ZDBF2: variants seen among roughly 807,000 people sequenced by gnomAD.
The protein encoded by ZDBF2 is zinc finger DBF-type containing 2, also known as DBF4-type zinc finger-containing protein 2.
A neutral mutation model predicts 9.4 loss-of-function variants in ZDBF2; 6 were observed. The observed-to-expected ratio is 0.64, with a 90% CI of 0.35 to 1.27. The LOEUF is 1.27. Ranked by LOEUF, ZDBF2 falls within the 50% of genes most tolerant of loss-of-function variation. The probability of loss-of-function intolerance (pLI) is 0.03; values close to 1 mark genes in which losing one functional copy is unlikely to be tolerated. For missense variants in ZDBF2, 2,697 were observed against 2,766.8 expected, an observed-to-expected ratio of 0.97 and a Z score of 0.57; for synonymous variants, 905 against 946.3, an observed-to-expected ratio of 0.96 and a Z score of 0.80.
chr2:206,308,413 C>T lies in ZDBF2; in HGVS notation c.3885C>T (p.Ser1295=), dbSNP rs746088933. 2.9e-5 allele frequency: 47 copies of T among 1,613,028 alleles called. No homozygotes were observed. The highest frequency in any genetic ancestry group is 3.3e-5 in the South Asian group (3 of 90,964). ...TTGATTCTCATGAACCCCTTCAGTCCGTAACTAATAAAATTCCAGGGGCGA... is the reference window on the plus strand; with the variant it reads ...TTGATTCTCATGAACCCCTTCAGTCTGTAACTAATAAAATTCCAGGGGCGA... ...INFDSHEPLQ[S]VTNKIPGANK... is the part of the protein sequence containing the mutation. Residue 1295 remains serine, a synonymous_variant, in exon 5 of 5, where the codon TCC becomes TCT. Coordinates refer to ENST00000374423, the MANE Select transcript of ZDBF2 (RefSeq NM_020923.3).
At position 206,310,515 on chromosome 2, in the gene ZDBF2, G is replaced by C; in HGVS notation, c.5987G>C (p.Cys1996Ser). Residue 1996 changes from cysteine (C) to serine (S), a missense_variant, in exon 5 of 5, where the codon TGT (cysteine) becomes TCT (serine). By Grantham distance (112) the Cys-to-Ser change is moderately radical (BLOSUM62 -1). This residue lies in a region of ZDBF2 where 1,783 missense variants were observed against 1,776.5 expected (regional missense o/e 1.00). Transcript: ENST00000374423. ...KIGTVEFPAS[C>S]TKVLKPMQPK... ...GGGACAGTTGAATTTCCTGCATCAT[G>C]TACTAAAGTTTTGAAGCCTATGCAA... 1 of 1,613,276 alleles carries C rather than the reference G, an allele frequency of 6.2e-7. No homozygotes were observed. The highest frequency in any genetic ancestry group is 8.5e-7 in the Non-Finnish European group (1 of 1,179,746).
rs1271977635 is a variant in ZDBF2, at chr2:206,305,223, A to T, written c.695A>T (p.Asp232Val). ...GTTGAGAAATATCTTGAACAGCCAG[A>T]TGGGGCCTCTAGAAATCCTGTGCCA... ...NKVEKYLEQP[D>V]GASRNPVPSS... The change falls in exon 5 of 5, where the codon GAT becomes GTT. Residue 232 changes from aspartate (D) to valine (V), a missense_variant. Around this residue, in one of 3 missense-constraint regions of ZDBF2, gnomAD observed 910 missense variants for 973.6 expected, o/e 0.93. Coordinates refer to ENST00000374423, the MANE Select transcript of ZDBF2 (RefSeq NM_020923.3). The T allele has an allele frequency of 1.2e-5, 19 of 1,613,726 alleles. No individual in the cohort carries two copies. The highest frequency in any genetic ancestry group is 1.4e-5 in the Non-Finnish European group (16 of 1,179,836).
rs759326102 is a variant in ZDBF2, at chr2:206,305,694, A to G, written c.1166A>G (p.Lys389Arg). The change falls in exon 5 of 5, where the codon AAG becomes AGG. Residue 389 changes from lysine (K) to arginine (R), a missense_variant. Lys to Arg is a conservative substitution (Grantham distance 26, BLOSUM62 2). This residue lies in a region of ZDBF2 where 910 missense variants were observed against 973.6 expected (regional missense o/e 0.93). Coordinates refer to ENST00000374423, the MANE Select transcript of ZDBF2 (RefSeq NM_020923.3). ...ACTGCACAAGACTTAAGTCTTTGGA[A>G]GGAGGAGCAAATTGACCAAGAAGAT... ...QETAQDLSLW[K>R]EEQIDQEDNY... The G allele has an allele frequency of 3.1e-5, 50 of 1,613,652 alleles. No individual in the cohort carries two copies. In the Admixed American group the frequency reaches 8.3e-4, roughly 27 times the overall value.
In ZDBF2 at chr2:206,311,783, C is replaced by A; in HGVS notation, c.*190C>A. The A allele has an allele frequency of 2.0e-6, 1 of 488,660 alleles. No individual in the cohort carries two copies. Among genetic ancestry groups the A allele is most frequent in the Non-Finnish European group, 3.2e-6 (1 of 316,580 alleles). 30.3% of individuals were successfully genotyped at this position (488,660 alleles called of 1,614,324 possible). On this transcript the variant is annotated 3_prime_UTR_variant, in exon 5 of 5. Transcript: ENST00000374423. ...TTTAGAGTCCTTTCATTTTAAGATTCAGAAACAGCCTTTGTCCAACATTTT... is the reference window on the plus strand; with the variant it reads ...TTTAGAGTCCTTTCATTTTAAGATTAAGAAACAGCCTTTGTCCAACATTTT...
At chr2:206,299,751 C>T (rs1045063385) in intron 4 of ZDBF2, among the ~76,000 whole-genome samples, 2 of 152,010 alleles carry the variant, frequency 1.3e-5, no homozygotes, top group Admixed American at 6.5e-5. Flanking sequence ...CTCCCCCCCG[C>T]CCGTGAATAG....
intron 3 of ZDBF2, among the ~76,000 whole-genome samples, chr2:206,289,190 G>A (rs1231722484): frequency 1.3e-5 from 2 of 152,106 alleles, no homozygotes; most frequent in African/African-American, 2.4e-5. Context: ...TCCCCAGGGG[G>A]CAATGTGCTG....
chr2:206,300,443 T>C (rs1202052433), intron 4 of ZDBF2, among the ~76,000 whole-genome samples: 2 of 152,226 alleles, frequency 1.3e-5, no homozygotes, highest in African/African-American at 4.8e-5. Flanking sequence ...TAGCCTTCAA[T>C]TTGTGTCTGC....
Position 206,306,258 on chromosome 2 carries a change from G to A in ZDBF2, c.1730G>A (p.Ser577Asn). ...AGCTTGGTTGATAACTATGGATCGAGTTGTTCTGAAACAAGTTTTGATTGT... is the reference window on the plus strand; with the variant it reads ...AGCTTGGTTGATAACTATGGATCGAATTGTTCTGAAACAAGTTTTGATTGT... ...HTSLVDNYGS[S>N]CSETSFDCDV... is the part of the protein sequence containing the mutation. Residue 577 changes from serine to asparagine, a missense_variant, in exon 5 of 5, where the codon AGT (serine) becomes AAT (asparagine). This residue lies in a region of ZDBF2 where 910 missense variants were observed against 973.6 expected (regional missense o/e 0.93). Transcript: ENST00000374423. 1 of 1,613,562 alleles carries A rather than the reference G, an allele frequency of 6.2e-7. No individual in the cohort carries two copies. The highest frequency in any genetic ancestry group is 8.5e-7 in the Non-Finnish European group (1 of 1,179,772).
rs1692687554 is a variant in ZDBF2, at chr2:206,304,866, C to T, written c.338C>T (p.Pro113Leu). ...GAGAGACCATCCGAGGTTTCAGAACCTATTGAAGAGTTACATTCCAGACCT... is the reference window on the plus strand; with the variant it reads ...GAGAGACCATCCGAGGTTTCAGAACTTATTGAAGAGTTACATTCCAGACCT... ...TEERPSEVSEPIEELHSRPHK... is the reference protein window; with the variant it reads ...TEERPSEVSELIEELHSRPHK... Residue 113 changes from proline (P) to leucine (L), a missense_variant, in exon 5 of 5, where the codon CCT becomes CTT. Coordinates refer to ENST00000374423, the MANE Select transcript of ZDBF2 (RefSeq NM_020923.3). 1 of 1,613,650 alleles carries T rather than the reference C, an allele frequency of 6.2e-7. No individual in the cohort carries two copies. Among genetic ancestry groups the T allele is most frequent in the Non-Finnish European group, 8.5e-7 (1 of 1,179,774 alleles).
chr2:206,277,361 C>G (rs1209495144), intron 1 of ZDBF2, among the ~76,000 whole-genome samples: 2 of 150,292 alleles, frequency 1.3e-5, no homozygotes, highest in Non-Finnish European at 3.0e-5. Flanking sequence ...TATTTTAAGA[C>G]ATTTCTGCCT....
intron 4 of ZDBF2, among the ~76,000 whole-genome samples, chr2:206,301,604 C>T (rs1055167131): frequency 1.3e-5 from 2 of 152,034 alleles, no homozygotes; most frequent in African/African-American, 4.8e-5. Context: ...TAAAAAAAAT[C>T]CCATGCCAAT....
chr2:206,287,461 TTATA>T (rs1235601458), intron 3 of ZDBF2, among the ~76,000 whole-genome samples: 1 of 152,226 alleles, frequency 6.6e-6, no homozygotes, highest in Non-Finnish European at 1.5e-5. Flanking sequence ...GATGATTCCC[TTATA>T]TGTGACTTGA....
At position 206,306,464 on chromosome 2, in the gene ZDBF2, A is replaced by G. The variant is rs374997578; in HGVS notation, c.1936A>G (p.Ile646Val). ...TGAATCCCAGAGGGCTGTTGAAAAG[A>G]TAAATCTTCTGAAGGAGAAGAATGC... Reference protein sequence around the residue: ...ADESQRAVEKINLLKEKNADL... With the variant: ...ADESQRAVEKVNLLKEKNADL... Residue 646 changes from isoleucine (I) to valine (V), a missense_variant, in exon 5 of 5, where the codon ATA becomes GTA. Ile to Val is a conservative substitution (Grantham distance 29). This residue lies in a region of ZDBF2 where 910 missense variants were observed against 973.6 expected (regional missense o/e 0.93). Coordinates refer to ENST00000374423, the MANE Select transcript of ZDBF2 (RefSeq NM_020923.3). 2 of 1,613,868 alleles carry G rather than the reference A, an allele frequency of 1.2e-6. No homozygotes were observed. Among genetic ancestry groups the G allele is most frequent in the Non-Finnish European group, 1.7e-6 (2 of 1,179,804 alleles).
chr2:206,289,374 C>T (rs1215429051), intron 3 of ZDBF2, among the ~76,000 whole-genome samples: 4 of 152,068 alleles, frequency 2.6e-5, no homozygotes, highest in South Asian at 2.1e-4. Context: ...GCACTGGGGA[C>T]GCATGACTTC....
chr2:206,274,978 GGGGCGACGCCCGC>G (rs1428406297), intron 1 of ZDBF2, 32 bp downstream of exon 1: 1 of 149,536 alleles, frequency 6.7e-6, no homozygotes, highest in Non-Finnish European at 1.5e-5. Context: ...GGGCGCGGCC[GGGGCGACGCCCGC>G]GGGCGGGGCC....
chr2:206,297,950 A>G (rs144240076), intron 4 of ZDBF2, among the ~76,000 whole-genome samples: 2,586 of 152,182 alleles, frequency 0.017, 53 homozygotes, highest in African/African-American at 0.043. Context: ...CAAAGTGCTG[A>G]GATTACAGGC....
At chr2:206,300,782 C>T (rs1692460466) in intron 4 of ZDBF2, among the ~76,000 whole-genome samples, 1 of 152,198 alleles carries the variant, frequency 6.6e-6, no homozygotes, top group South Asian at 2.1e-4. Context: ...AGGAGATCTT[C>T]ACTTGTTCTT....
At chr2:206,287,967 T>A (rs373489352) in intron 3 of ZDBF2, among the ~76,000 whole-genome samples, 3 of 152,184 alleles carry the variant, frequency 2.0e-5, no homozygotes, top group East Asian at 3.8e-4. Flanking sequence ...ATGGTTTTTC[T>A]GATTTTGTTG....
intron 4 of ZDBF2, among the ~76,000 whole-genome samples, chr2:206,303,785 T>G (rs1692624950): frequency 6.6e-6 from 1 of 152,196 alleles, no homozygotes; most frequent in Non-Finnish European, 1.5e-5. Context: ...GCATTATTTT[T>G]TTCCCTTCTA....
Sources: gnomAD v4.1 joint callset for allele counts (sites outside exome capture counted in the v4.1 genomes callset) on GRCh38, gnomAD v4.1.1 for gene constraint, gnomAD v4.1.1 regional missense constraint, MANE v1.5 for transcripts, NCBI Gene and HGNC (gene_info 2026-07-23, HGNC 2026-07-21) for gene names.